The following UGT1A9 variants were observed in gnomAD, a reference collection of about 807,000 sequenced individuals.
UGT1A9 encodes UDP glucuronosyltransferase family 1 member A9.
A neutral mutation model predicts 45.0 loss-of-function variants in UGT1A9; 35 were observed. The ratio of observed to expected loss-of-function variants is 0.78; its 90% CI spans 0.59 to 1.03. The LOEUF (loss-of-function observed/expected upper bound fraction) is 1.03. Among genes scored for constraint, UGT1A9 ranks in the 50% least tolerant of loss-of-function variants. The pLI, the probability that UGT1A9 is intolerant of heterozygous loss-of-function variation, is 0.00. For synonymous variants in UGT1A9, 278 were observed against 250.6 expected, an observed-to-expected ratio of 1.11 and a Z score of -1.03; for missense variants, 687 against 666.6, an observed-to-expected ratio of 1.03 and a Z score of -0.34.
chr2:233,717,929 C>T, intron 1 of UGT1A9: 1 of 454,714 alleles, frequency 2.2e-6, no homozygotes, highest in Non-Finnish European at 4.4e-6. Context: ...ATGGATACTT[C>T]AGTCTCTATG....
chr2:233,699,949 G>C (rs932857494), intron 1 of UGT1A9, among the ~76,000 whole-genome samples: 2 of 152,234 alleles, frequency 1.3e-5, no homozygotes, highest in East Asian at 1.9e-4. Context: ...GTTGTACAAT[G>C]TGTGAAAAAT....
In UGT1A9 at chr2:233,730,352, T is replaced by A. The variant is rs190569786; in HGVS notation, c.856-36682T>A. On this transcript the variant is annotated intron_variant, in intron 1 of 4. Coordinates refer to ENST00000354728, the MANE Select transcript of UGT1A9 (RefSeq NM_021027.3). ...ACGTTTGGAACTGATCCATCCTGGA[T>A]TTTTTGCTAGCATGATTTTCAGGGG... 3.3e-5 allele frequency among the ~76,000 whole-genome samples: 5 copies of A among 152,298 alleles called. No homozygotes were observed. The East Asian group carries it at 9.6e-4, about 29-fold the overall frequency.
At chr2:233,768,037 T>C (rs1699552537) in intron 3 of UGT1A9, 101 bp downstream of exon 3, 3 of 1,611,640 alleles carry the variant, frequency 1.9e-6, no homozygotes, top group Non-Finnish European at 2.5e-6. Context: ...GAAAATATTA[T>C]GGCCAACATA....
chr2:233,759,735 A>G (rs1426005691), intron 1 of UGT1A9, among the ~76,000 whole-genome samples: 1 of 152,016 alleles, frequency 6.6e-6, no homozygotes, highest in Non-Finnish European at 1.5e-5. Flanking sequence ...CTGCAGCCTC[A>G]AGACCCCACA....
At chr2:233,714,348 G>T (rs1046988136) in intron 1 of UGT1A9, among the ~76,000 whole-genome samples, 3 of 152,216 alleles carry the variant, frequency 2.0e-5, no homozygotes, top group African/African-American at 7.2e-5. Flanking sequence ...AGAGGAAGTA[G>T]AGGTTTCAAA....
chr2:233,691,501 C>T (rs1209738055), intron 1 of UGT1A9: 3 of 985,626 alleles, frequency 3.0e-6, no homozygotes, highest in South Asian at 4.7e-5. Context: ...AACAGGAACT[C>T]GCGTGCCAGC....
intron 1 of UGT1A9, among the ~76,000 whole-genome samples, chr2:233,765,914 G>T (rs914131735): frequency 6.6e-6 from 1 of 152,098 alleles, no homozygotes; most frequent in Admixed American, 6.5e-5. Flanking sequence ...CTCTAGGGGA[G>T]CATACAGACG....
At chr2:233,736,915 T>A (rs1289213443) in intron 1 of UGT1A9, among the ~76,000 whole-genome samples, 1 of 152,142 alleles carries the variant, frequency 6.6e-6, no homozygotes, top group African/African-American at 2.4e-5. Context: ...GGAAGCTTCA[T>A]ACCAGAGGCG....
chr2:233,708,355 T>C (rs1440187432), intron 1 of UGT1A9: 1 of 152,252 alleles, frequency 6.6e-6, no homozygotes, highest in African/African-American at 2.4e-5. Flanking sequence ...ATTTCCCTTA[T>C]TAATTCTTCA....
At chr2:233,746,224 T>C (rs977968303) in intron 1 of UGT1A9, among the ~76,000 whole-genome samples, 14 of 151,784 alleles carry the variant, frequency 9.2e-5, no homozygotes, top group Non-Finnish European at 5.9e-5. Flanking sequence ...CAAGGACAGA[T>C]ATGCAAACTG....
rs2075034938 is a variant in UGT1A9 at position 233,691,264 on chromosome 2, C to T, written c.855+18475C>T. 1.3e-5 allele frequency: 13 copies of T among 985,552 alleles called. No homozygotes were observed. The South Asian group carries it at 5.6e-4, about 43-fold the overall frequency. 61.1% of individuals were successfully genotyped at this position (985,552 alleles called of 1,614,324 possible). Reference sequence around the variant, plus strand: ...TAGATGAACTCAAAGCAAGATGCTGCCGCCCCCATGACTTTGATCATTGTA... The same window carrying T: ...TAGATGAACTCAAAGCAAGATGCTGTCGCCCCCATGACTTTGATCATTGTA... On this transcript the variant is annotated intron_variant, in intron 1 of 4. Coordinates refer to ENST00000354728, the MANE Select transcript of UGT1A9 (RefSeq NM_021027.3).
intron 1 of UGT1A9, among the ~76,000 whole-genome samples, chr2:233,751,545 C>T (rs562388554): frequency 7.0e-4 from 106 of 152,320 alleles, no homozygotes; most frequent in Non-Finnish European, 1.4e-3. Context: ...TGTGTTTCCA[C>T]CCAAATCTCA....
At chr2:233,747,694 T>C in intron 1 of UGT1A9, 1 of 1,611,670 alleles carries the variant, frequency 6.2e-7, no homozygotes, top group Non-Finnish European at 8.5e-7. Context: ...GGGGCAGTGC[T>C]GGCTAAGTAC....
intron 1 of UGT1A9, chr2:233,747,103 T>G: frequency 7.3e-7 from 1 of 1,362,910 alleles, no homozygotes. Context: ...TATCTTCCAA[T>G]TACATGATGA....
chr2:233,735,959 A>G (rs1268805881), intron 1 of UGT1A9, among the ~76,000 whole-genome samples: 1 of 151,776 alleles, frequency 6.6e-6, no homozygotes, highest in Non-Finnish European at 1.5e-5. Flanking sequence ...CCTTCATTTC[A>G]ACTTTGGTGA....
intron 1 of UGT1A9, among the ~76,000 whole-genome samples, chr2:233,725,693 A>G (rs2077467209): frequency 1.3e-5 from 2 of 152,246 alleles, no homozygotes; most frequent in African/African-American, 2.4e-5. Flanking sequence ...CTCAATAGTC[A>G]TATGTAGTTA....
At chr2:233,707,320 C>T (rs2075955377) in intron 1 of UGT1A9, among the ~76,000 whole-genome samples, 1 of 152,246 alleles carries the variant, frequency 6.6e-6, no homozygotes, top group East Asian at 1.9e-4. Flanking sequence ...CATAGCTAAA[C>T]ATGTGCCATG....
chr2:233,719,327 T>C, intron 1 of UGT1A9: 1 of 1,613,988 alleles, frequency 6.2e-7, no homozygotes, highest in Non-Finnish European at 8.5e-7. Flanking sequence ...CGATTCCTGC[T>C]GTGTTTTTTT....
At chr2:233,679,301 G>T (rs1225471234) in intron 1 of UGT1A9, among the ~76,000 whole-genome samples, 3 of 152,194 alleles carry the variant, frequency 2.0e-5, no homozygotes, top group Non-Finnish European at 4.4e-5. Context: ...ACAAAGCCTT[G>T]ATGGAACCAA....
Sources: allele counts gnomAD v4.1 joint callset (sites outside exome capture counted in the v4.1 genomes callset), GRCh38; gene constraint gnomAD v4.1.1; transcripts MANE v1.5; gene names NCBI Gene and HGNC (gene_info 2026-07-23, HGNC 2026-07-21).